CRB1: variants seen among roughly 807,000 people sequenced by gnomAD.
CRB1 encodes crumbs cell polarity complex component 1.
In CRB1, 83 loss-of-function variants were observed where a neutral mutation model predicts 120.0. That is an observed-to-expected ratio of 0.69 (90% confidence interval 0.58 to 0.83). The LOEUF is 0.83. Among genes scored for constraint, CRB1 ranks in the 40% least tolerant of loss-of-function variants. The probability of loss-of-function intolerance (pLI) is 0.00; values close to 1 mark genes in which losing one functional copy is unlikely to be tolerated. For missense variants in CRB1, 1,699 were observed against 1,687.6 expected (o/e 1.01, Z -0.12); for synonymous variants, 625 against 612.5 (o/e 1.02, Z -0.30).
chr1:197,346,452 C>G (rs972986979), intron 3 of CRB1, among the ~76,000 whole-genome samples: 15 of 151,998 alleles, frequency 9.9e-5, no homozygotes, highest in Non-Finnish European at 2.2e-4. Flanking sequence ...TTTAATTGAA[C>G]AAATGGAATA....
At chr1:197,378,827 G>T (rs1037250317) in intron 5 of CRB1, among the ~76,000 whole-genome samples, 5 of 152,076 alleles carry the variant, frequency 3.3e-5, no homozygotes, top group African/African-American at 1.2e-4. Flanking sequence ...ATCACACACA[G>T]ATAAAAGTGT....
At chr1:197,318,173 G>A (rs1334129368) in intron 1 of CRB1, among the ~76,000 whole-genome samples, 1 of 152,102 alleles carries the variant, frequency 6.6e-6, no homozygotes, top group Non-Finnish European at 1.5e-5. Context: ...ATCAAAAAAT[G>A]AGCGAAAGAC....
chr1:197,429,597 T>C lies in CRB1; in HGVS notation c.2825T>C (p.Val942Ala), dbSNP rs531305918. The C allele has an allele frequency of 3.1e-6, 5 of 1,613,986 alleles. No homozygotes were observed. The highest frequency in any genetic ancestry group is 4.2e-6 in the Non-Finnish European group (5 of 1,179,936). The stretch of plus-strand genomic sequence containing the variant: ...CCTCACGGAGCCCAGTGCCAGCCGG[T>C]GCTTCAAGGATTTGAATGTAGGTAG... ...PCPHGAQCQP[V>A]LQGFECIANA... Residue 942 changes from valine (V) to alanine (A), a missense_variant, in exon 8 of 12, where the codon GTG becomes GCG. By Grantham distance (64) the Val-to-Ala change is moderately conservative. Coordinates refer to ENST00000367400, the MANE Select transcript of CRB1 (RefSeq NM_201253.3).
chr1:197,383,696 G>C (rs1662072104), intron 5 of CRB1, among the ~76,000 whole-genome samples: 1 of 152,142 alleles, frequency 6.6e-6, no homozygotes, highest in Non-Finnish European at 1.5e-5. Flanking sequence ...TCGGAGTTTA[G>C]TTTTTCTTCC....
intron 8 of CRB1, among the ~76,000 whole-genome samples, chr1:197,432,488 C>T (rs748219672): frequency 6.6e-6 from 1 of 151,564 alleles, no homozygotes; most frequent in African/African-American, 2.4e-5. Context: ...AAATTTTCTC[C>T]TGCTGTGGTT....
intron 5 of CRB1, among the ~76,000 whole-genome samples, chr1:197,412,994 A>G (rs1407646425): frequency 6.6e-6 from 1 of 152,142 alleles, no homozygotes; most frequent in African/African-American, 2.4e-5. Flanking sequence ...TGATACAGTT[A>G]CTGCCCCTCT....
chr1:197,374,326 C>T (rs956996199), intron 5 of CRB1, among the ~76,000 whole-genome samples: 3 of 152,016 alleles, frequency 2.0e-5, no homozygotes, highest in Non-Finnish European at 4.4e-5. Flanking sequence ...TGGGAGTGGA[C>T]GTGGGAAAAG....
At chr1:197,235,809 T>G in the CRB1 span, among the ~76,000 whole-genome samples, 1 of 152,202 alleles carries the variant, frequency 6.6e-6, no homozygotes, top group Non-Finnish European at 1.5e-5. Flanking sequence ...ATACTGTGGC[T>G]TTTTTCTTAA....
chr1:197,456,321 A>G (rs148452481), intron 11 of CRB1, among the ~76,000 whole-genome samples: 88 of 152,234 alleles, frequency 5.8e-4, no homozygotes, highest in Admixed American at 9.2e-4. Flanking sequence ...AATATTACCT[A>G]AGTGATTGAG....
Position 197,478,065 on chromosome 1 carries a change from A to G in CRB1, c.*186A>G. 7 of 653,388 alleles carry G rather than the reference A, an allele frequency of 1.1e-5. No homozygotes were observed. The highest frequency in any genetic ancestry group is 1.8e-5 in the South Asian group (1 of 54,784). The allele number at this position is 653,388 out of a possible 1,614,324, so 40.5% of individuals were successfully genotyped here. A position where few individuals can be genotyped will look rare whatever the true frequency, so the allele number is the denominator to read the frequency against. ...CCGCTCGACACCATTGTTTTATTAT[A>G]TTATATCAGCCAATTGCAAAAAAAG... On this transcript the variant is annotated 3_prime_UTR_variant, in exon 12 of 12. Coordinates refer to ENST00000367400, the MANE Select transcript of CRB1 (RefSeq NM_201253.3).
At chr1:197,386,485 A>T (rs1363013122) in intron 5 of CRB1, among the ~76,000 whole-genome samples, 1 of 152,168 alleles carries the variant, frequency 6.6e-6, no homozygotes, top group South Asian at 2.1e-4. Context: ...AAGTCCCTGC[A>T]TCTCTGCATG....
At chr1:197,357,034 T>G in intron 5 of CRB1, 21 bp downstream of exon 5, 1 of 1,613,148 alleles carries the variant, frequency 6.2e-7, no homozygotes, top group East Asian at 2.2e-5. Context: ...GGAGATGGGA[T>G]ATGACTTGAC....
At chr1:197,225,381 T>G in the CRB1 span, among the ~76,000 whole-genome samples, 3 of 152,248 alleles carry the variant, frequency 2.0e-5, no homozygotes, top group African/African-American at 7.2e-5. Flanking sequence ...TTAATAGAAC[T>G]TCTTTAATTA....
the CRB1 span, among the ~76,000 whole-genome samples, chr1:197,263,078 G>T: frequency 6.6e-6 from 1 of 152,118 alleles, no homozygotes; most frequent in Admixed American, 6.5e-5. Flanking sequence ...TGGTATTTCT[G>T]TTTTAAGTTC....
intron 5 of CRB1, among the ~76,000 whole-genome samples, chr1:197,384,176 C>G (rs1662096941): frequency 6.6e-6 from 1 of 152,168 alleles, no homozygotes; most frequent in Non-Finnish European, 1.5e-5. Context: ...AAAAAATCCT[C>G]TAAGGTATCA....
the CRB1 span, among the ~76,000 whole-genome samples, chr1:197,219,208 A>G: frequency 6.6e-6 from 1 of 152,214 alleles, no homozygotes; most frequent in Non-Finnish European, 1.5e-5. Flanking sequence ...TAAAAATCTG[A>G]CTCATAATTT....
chr1:197,340,711 C>T (rs1161174805), intron 2 of CRB1, among the ~76,000 whole-genome samples: 1 of 151,896 alleles, frequency 6.6e-6, no homozygotes, highest in African/African-American at 2.4e-5. Flanking sequence ...GCTTGGATGA[C>T]CTGGATGATA....
intron 11 of CRB1, among the ~76,000 whole-genome samples, chr1:197,476,967 T>G (rs1667224093): frequency 2.0e-5 from 3 of 152,208 alleles, no homozygotes; most frequent in African/African-American, 7.2e-5. Flanking sequence ...TTAACATTAA[T>G]CAAACCACTG....
chr1:197,413,819 C>A, intron 5 of CRB1: 1 of 424,896 alleles, frequency 2.4e-6, no homozygotes, highest in South Asian at 1.7e-5. Flanking sequence ...AGTCCCCATA[C>A]TCTCTACCTG....
Sources: allele counts gnomAD v4.1 joint callset (sites outside exome capture counted in the v4.1 genomes callset), GRCh38; gene constraint gnomAD v4.1.1; transcripts MANE v1.5; gene names NCBI Gene and HGNC (gene_info 2026-07-23, HGNC 2026-07-21).